TUBGCP6: variants seen among roughly 807,000 people sequenced by gnomAD.
TUBGCP6 encodes the protein gamma-tubulin complex component 6.
TUBGCP6 carries 161 observed loss-of-function variants against 175.8 expected under a neutral mutation model. The ratio of observed to expected loss-of-function variants is 0.92; its 90% CI spans 0.81 to 1.04. The LOEUF is 1.04. Among genes scored for constraint, TUBGCP6 ranks in the 50% least tolerant of loss-of-function variants. The pLI is 0.00. For missense variants in TUBGCP6, 2,572 were observed against 2,433.0 expected, an observed-to-expected ratio of 1.06 and a Z score of -1.20; for synonymous variants, 1,173 against 1,030.5, an observed-to-expected ratio of 1.14 and a Z score of -2.65.
rs761399858 is a variant in TUBGCP6 at position 50,217,826 on chromosome 22, C to T, written c.5370G>A (p.Val1790=). 6.2e-7 allele frequency: 1 copy of T among 1,613,712 alleles called. No individual in the cohort carries two copies. Among genetic ancestry groups the T allele is most frequent in the Non-Finnish European group, 8.5e-7 (1 of 1,179,930 alleles). The change falls in exon 25 of 25, where the codon GTG becomes GTA. Residue 1790 remains valine (V), a splice_region_variant and synonymous_variant. Coordinates refer to ENST00000248846, the MANE Select transcript of TUBGCP6 (RefSeq NM_020461.4). ...FKYYSHFLFK[V]VTKLVNRGYQ... ...AGCCGCGGTTCACCAGCTTGGTCAC[C>T]ACTGGGGACCAGCGAGCAGCTCAGG...
chr22:50,240,184 A>C lies in TUBGCP6; in HGVS notation c.905+20T>G, dbSNP rs765880005. On this transcript the variant is annotated intron_variant, in intron 2 of 24. Transcript: ENST00000248846. ...GCAGGGGTAGGGGCACTGCATGCCA[A>C]GGCAAAGAAGGGCACACACCAGCCA... is the stretch of plus-strand genomic sequence containing the variant. 4.3e-6 allele frequency: 7 copies of C among 1,612,742 alleles called. No individual in the cohort carries two copies. In the African/African-American group the frequency reaches 9.3e-5, roughly 22 times the overall value.
Position 50,217,908 on chromosome 22 carries a change from T to G in TUBGCP6, c.5368+10A>C, listed in dbSNP as rs1422782649. On this transcript the variant is annotated intron_variant, in intron 24 of 24. Transcript: ENST00000248846. ...CCCCCCGCAGCCCTCCCAGCCAGGG[T>G]GGGCCTCACCTTTGAAGAGAAAGTG... is the stretch of plus-strand genomic sequence containing the variant. 1.2e-6 allele frequency: 2 copies of G among 1,604,566 alleles called. No homozygotes were observed. Among genetic ancestry groups the G allele is most frequent in the Non-Finnish European group, 8.5e-7 (1 of 1,174,282 alleles).
At chr22:50,229,327 C>A in intron 4 of TUBGCP6, 77 bp downstream of exon 4, 1 of 1,505,628 alleles carries the variant, frequency 6.6e-7, no homozygotes, top group Non-Finnish European at 9.1e-7. Context: ...TGCAGAAGGA[C>A]CTCTGAGATT....
In TUBGCP6 at chr22:50,226,080, G is replaced by C. The variant is rs2064603145; in HGVS notation, c.1803C>G (p.Thr601=). The C allele has an allele frequency of 1.5e-5, 25 of 1,614,148 alleles. No homozygotes were observed. The highest frequency in any genetic ancestry group is 2.1e-5 in the Non-Finnish European group (25 of 1,180,044). Residue 601 remains threonine, a synonymous_variant, in exon 9 of 25, where the codon ACC becomes ACG. Coordinates refer to ENST00000248846, the MANE Select transcript of TUBGCP6 (RefSeq NM_020461.4). The part of the protein sequence containing the change: ...IAHDIYVCGK[T]INLLKLCCPR... Reference sequence around the variant, plus strand: ...GGCAGCAGAGCTTCAGCAGGTTAATGGTCTTTCCGCAGACGTATATGTCGT... The same window carrying C: ...GGCAGCAGAGCTTCAGCAGGTTAATCGTCTTTCCGCAGACGTATATGTCGT...
intron 2 of TUBGCP6, among the ~76,000 whole-genome samples, chr22:50,234,648 C>T (rs1212235641): frequency 3.5e-5 from 5 of 142,642 alleles, no homozygotes; most frequent in Non-Finnish European, 7.6e-5. Context: ...CTGTGCACGG[C>T]AGCATCACCC....
chr22:50,234,000 T>TCGCCCACACCCCCGTCCACAGCAGCAG, intron 2 of TUBGCP6, among the ~76,000 whole-genome samples: 1 of 148,654 alleles, frequency 6.7e-6, no homozygotes, highest in East Asian at 2.0e-4. Context: ...CATGGCAGCA[T>TCGCCCACACCCCCGTCCACAGCAGCAG]CATCCACACC....
chr22:50,222,756 C>CA (rs2064549631), intron 13 of TUBGCP6, among the ~76,000 whole-genome samples, 164 bp from the exon 14 acceptor site: 1 of 152,266 alleles, frequency 6.6e-6, no homozygotes, highest in African/African-American at 2.4e-5. Context: ...ACAGCACCTA[C>CA]AGGGCAGCAC....
rs959753982 is a variant in TUBGCP6 at position 50,244,001 on chromosome 22, C to G, written c.459G>C (p.Leu153=). The G allele has an allele frequency of 7.4e-6, 12 of 1,614,198 alleles. No homozygotes were observed. Among genetic ancestry groups the G allele is most frequent in the Admixed American group, 3.3e-5 (2 of 60,028 alleles). The change falls in exon 1 of 25, where the codon CTG becomes CTC. Residue 153 remains leucine, a synonymous_variant. Transcript: ENST00000248846. ...ACTGAACGTCCATCTCAAACACACT[C>G]AGGTCGTCGCAATCATAGCCGCTGT... is the stretch of plus-strand genomic sequence containing the variant. ...VPYSGYDCDD[L]SVFEMDVQSL...
chr22:50,222,545 C>T lies in TUBGCP6; in HGVS notation c.2318G>A (p.Arg773His), dbSNP rs139125978. The change falls in exon 14 of 25, where the codon CGT becomes CAT. Residue 773 changes from arginine (R) to histidine (H), a missense_variant. By Grantham distance (29) the Arg-to-His change is conservative. Transcript: ENST00000248846. ...HYSKLSAEAA[R>H]REQKALWRIQ... ...TCTCCACAGTGCCTTCTGCTCCCGA[C>T]GAGCTGCCTCTGCAGAGAGCTTGCT... is the stretch of plus-strand genomic sequence containing the variant. 3.2e-5 allele frequency: 52 copies of T among 1,613,386 alleles called. No homozygotes were observed. The Admixed American group carries it at 6.5e-4, about 20-fold the overall frequency.
intron 9 of TUBGCP6, 36 bp downstream of exon 9, chr22:50,226,014 G>C (rs780530030): frequency 1.9e-6 from 3 of 1,613,480 alleles, no homozygotes; most frequent in Non-Finnish European, 2.5e-6. Flanking sequence ...AGGGAAGACC[G>C]GCCCCTCTCT....
chr22:50,223,277 C>T (rs750432731), intron 13 of TUBGCP6: 2 of 152,432 alleles, frequency 1.3e-5, no homozygotes, highest in East Asian at 1.9e-4. Flanking sequence ...ATCCCTCACT[C>T]GCTCCATAAA....
In TUBGCP6 at chr22:50,217,745, CTGG is replaced by C. The variant is rs773235113; in HGVS notation, c.5448_5450del (p.Tyr1816_Gln1817delinsTer). 7.4e-6 allele frequency: 12 copies of C among 1,613,874 alleles called. No individual in the cohort carries two copies. Among genetic ancestry groups the C allele is most frequent in the Admixed American group, 1.7e-5 (1 of 59,968 alleles). On this transcript the variant is annotated stop_gained and inframe_deletion, in exon 25 of 25. Coordinates refer to ENST00000248846, the MANE Select transcript of TUBGCP6 (RefSeq NM_020461.4). LOFTEE classifies it high-confidence loss of function. ...CCCCCGCAGAGCAGCCTCAGGCGTCCTGGTAGTAGTTGTTGAAGTTGATGCGCA... is the reference window on the plus strand; with the variant it reads ...CCCCCGCAGAGCAGCCTCAGGCGTCCTAGTAGTTGTTGAAGTTGATGCGCA...
At chr22:50,233,672 T>G (rs1451260103) in intron 2 of TUBGCP6, 146 bp from the exon 3 acceptor site, 1 of 798,274 alleles carries the variant, frequency 1.3e-6, no homozygotes, top group Non-Finnish European at 2.0e-6. Context: ...CAGGTATGAA[T>G]GTCAGCTCAC....
rs771445426 is a variant in TUBGCP6 at position 50,218,275 on chromosome 22, G to A, written c.5082C>T (p.Cys1694=). ...IANQILHVTW[C]EFRARLATVG... ...CGGTGGCCAACCTGGCCCTGAACTC[G>A]CACCAGGTGACGTGCAGGATCTGGT... The change falls in exon 23 of 25, where the codon TGC becomes TGT. Residue 1694 remains cysteine, a synonymous_variant. Transcript: ENST00000248846. 22 of 1,612,986 alleles carry A rather than the reference G, an allele frequency of 1.4e-5. No individual in the cohort carries two copies. Among genetic ancestry groups the A allele is most frequent in the Admixed American group, 5.0e-5 (3 of 60,014 alleles).
At position 50,232,621 on chromosome 22, in the gene TUBGCP6, G is replaced by A. The variant is rs147833699; in HGVS notation, c.1116+695C>T. 2.7e-3 allele frequency among the ~76,000 whole-genome samples: 415 copies of A among 152,238 alleles called. 2 individuals carry two copies. Among genetic ancestry groups the A allele is most frequent in the Non-Finnish European group, 4.6e-3 (315 of 68,010 alleles). ...AGGCTATCCCCACAACAGACAAGAT[G>A]AGCTGTGAGCACGGTGTTGAGAACA... is the stretch of plus-strand genomic sequence containing the variant. On this transcript the variant is annotated intron_variant, in intron 3 of 24. Coordinates refer to ENST00000248846, the MANE Select transcript of TUBGCP6 (RefSeq NM_020461.4).
intron 3 of TUBGCP6, among the ~76,000 whole-genome samples, chr22:50,231,236 T>C (rs1337435622): frequency 1.4e-5 from 2 of 147,642 alleles, no homozygotes; most frequent in Admixed American, 6.8e-5. Context: ...GTGAAATCAC[T>C]TGAGGTCAGG....
Position 50,221,876 on chromosome 22 carries a change from T to C in TUBGCP6, c.2485-2A>G. 1 of 1,515,018 alleles carries C rather than the reference T, an allele frequency of 6.6e-7. No individual in the cohort carries two copies. The highest frequency in any genetic ancestry group is 8.8e-7 in the Non-Finnish European group (1 of 1,131,690). 93.8% of individuals were successfully genotyped at this position (1,515,018 alleles called of 1,614,324 possible). A position where few individuals can be genotyped will look rare whatever the true frequency, so the allele number is the denominator to read the frequency against. ...GTGCTCAGGGCCCGGAGACGTGACC[T>C]GAAACACAGGTGACATCAGACCCAG... On this transcript the variant is annotated splice_acceptor_variant, in intron 15 of 24. Coordinates refer to ENST00000248846, the MANE Select transcript of TUBGCP6 (RefSeq NM_020461.4). LOFTEE classifies it high-confidence loss of function.
rs1267560190 is a variant in TUBGCP6 at position 50,244,224 on chromosome 22, A to G, written c.236T>C (p.Val79Ala). 2 of 1,613,274 alleles carry G rather than the reference A, an allele frequency of 1.2e-6. No individual in the cohort carries two copies. The highest frequency in any genetic ancestry group is 1.7e-6 in the Non-Finnish European group (2 of 1,180,008). ...GTCGGCCTTGGGGCCCAGGCCACCCACTCTCAAGTCAAAGGACAACATGAG... is the reference window on the plus strand; with the variant it reads ...GTCGGCCTTGGGGCCCAGGCCACCCGCTCTCAAGTCAAAGGACAACATGAG... ...KILMLSFDLR[V>A]GGLGPKADRL... Residue 79 changes from valine (V) to alanine (A), a missense_variant, in exon 1 of 25, where the codon GTG becomes GCG. Physicochemically the swap from Val to Ala is moderately conservative, Grantham distance 64. Coordinates refer to ENST00000248846, the MANE Select transcript of TUBGCP6 (RefSeq NM_020461.4).
At chr22:50,229,313 G>A in intron 4 of TUBGCP6, 91 bp downstream of exon 4, 1 of 1,410,250 alleles carries the variant, frequency 7.1e-7, no homozygotes, top group South Asian at 1.3e-5. Flanking sequence ...AGACTCTCTG[G>A]TCCTGCAGAA....
Sources: gnomAD v4.1 joint callset for allele counts (sites outside exome capture counted in the v4.1 genomes callset) on GRCh38, gnomAD v4.1.1 for gene constraint, MANE v1.5 for transcripts, NCBI Gene and HGNC (gene_info 2026-07-23, HGNC 2026-07-21) for gene names.